APPBP2: variants seen among roughly 807,000 people sequenced by gnomAD.
APPBP2 encodes amyloid beta precursor protein binding protein 2.
In APPBP2, 15 loss-of-function variants were observed where a neutral mutation model predicts 76.0. That is an observed-to-expected ratio of 0.20 (90% confidence interval 0.13 to 0.30). The LOEUF is 0.30. APPBP2 is among the 10% of genes least tolerant of loss of function. APPBP2 has a pLI of 1.00. For missense variants in APPBP2, 401 were observed against 687.2 expected (o/e 0.58, Z 4.66); for synonymous variants, 222 against 242.2 (o/e 0.92, Z 0.77).
At chr17:60,512,108 A>AT (rs201848782) in intron 1 of APPBP2, among the ~76,000 whole-genome samples, 16 of 146,326 alleles carry the variant, frequency 1.1e-4, no homozygotes, top group African/African-American at 4.3e-4. Context: ...TATTATTATT[A>AT]TTTTCTTTTT....
At chr17:60,487,984 G>A (rs2090694481) in intron 3 of APPBP2, among the ~76,000 whole-genome samples, 1 of 152,216 alleles carries the variant, frequency 6.6e-6, no homozygotes, top group African/African-American at 2.4e-5. Flanking sequence ...GAGTTTGCAG[G>A]AGGTCCACTC....
At chr17:60,466,855 T>A (rs143825836) in intron 4 of APPBP2, among the ~76,000 whole-genome samples, 1,627 of 152,340 alleles carry the variant, frequency 0.011, 21 homozygotes, top group African/African-American at 0.036. Flanking sequence ...ATTTTTGGTA[T>A]AGTCTAACAC....
At chr17:60,462,262 A>G (rs1178505257) in intron 6 of APPBP2, 1 of 511,234 alleles carries the variant, frequency 2.0e-6, no homozygotes, top group African/African-American at 1.9e-5. Flanking sequence ...AGCTGGGAAA[A>G]TTATAAAGTT....
At chr17:60,491,811 T>C (rs762254937) in intron 3 of APPBP2, among the ~76,000 whole-genome samples, 44 of 152,084 alleles carry the variant, frequency 2.9e-4, no homozygotes, top group African/African-American at 8.2e-4. Context: ...CAGGATGCGA[T>C]AGAAAAGAAA....
intron 1 of APPBP2, among the ~76,000 whole-genome samples, chr17:60,506,425 TG>T (rs2090868699): frequency 6.6e-6 from 1 of 152,236 alleles, no homozygotes; most frequent in African/African-American, 2.4e-5. Flanking sequence ...CATGAAGCAC[TG>T]GTAACATGAT....
chr17:60,505,675 G>A (rs1277097089), intron 1 of APPBP2, among the ~76,000 whole-genome samples: 6 of 113,100 alleles, frequency 5.3e-5, no homozygotes, highest in African/African-American at 1.2e-4. Flanking sequence ...TGACCCCTGC[G>A]GTTTTTTTTT....
chr17:60,460,103 G>A (rs1405583283), intron 9 of APPBP2: 1 of 152,112 alleles, frequency 6.6e-6, no homozygotes, highest in Non-Finnish European at 1.5e-5. Context: ...AATTATTGAA[G>A]GAAATACTCA....
chr17:60,454,269 A>C (rs200785194), intron 11 of APPBP2, 33 bp downstream of exon 11: 2 of 1,453,276 alleles, frequency 1.4e-6, no homozygotes, highest in Non-Finnish European at 1.9e-6. Flanking sequence ...TCATTACTTA[A>C]GAGAGAAAAA....
intron 1 of APPBP2, among the ~76,000 whole-genome samples, chr17:60,517,917 C>T (rs2090975784): frequency 6.6e-6 from 1 of 152,138 alleles, no homozygotes; most frequent in South Asian, 2.1e-4. Context: ...ATTTCCTCTT[C>T]TGTAAACTGG....
At chr17:60,515,661 T>C (rs2090957219) in intron 1 of APPBP2, among the ~76,000 whole-genome samples, 1 of 152,230 alleles carries the variant, frequency 6.6e-6, no homozygotes, top group African/African-American at 2.4e-5. Flanking sequence ...AATGAGATCA[T>C]ATATTATACA....
chr17:60,497,866 C>T (rs11079399), intron 2 of APPBP2, among the ~76,000 whole-genome samples: 137,591 of 152,000 alleles, frequency 0.91, 62,504 homozygotes, highest in East Asian at 1. Flanking sequence ...AGACCAGGCA[C>T]GGTGGCTCAC....
intron 2 of APPBP2, among the ~76,000 whole-genome samples, chr17:60,495,807 C>T (rs1258776751): frequency 6.6e-6 from 1 of 152,036 alleles, no homozygotes; most frequent in Non-Finnish European, 1.5e-5. Context: ...AGAATTGAGA[C>T]TATATACACA....
chr17:60,524,317 G>A (rs934240500), intron 1 of APPBP2, among the ~76,000 whole-genome samples: 2 of 152,186 alleles, frequency 1.3e-5, no homozygotes, highest in Non-Finnish European at 2.9e-5. Context: ...AAAATGGACA[G>A]AGAGCACACA....
chr17:60,526,171 C>G lies in APPBP2; in HGVS notation c.-240G>C. On this transcript the variant is annotated 5_prime_UTR_variant, in exon 1 of 13. Transcript: ENST00000083182. ...CAGCGGCCAGCCAGGCCAAAAGCGTCACAATCCCGGTTCGAGAGGAACCCG... is the reference window on the plus strand; with the variant it reads ...CAGCGGCCAGCCAGGCCAAAAGCGTGACAATCCCGGTTCGAGAGGAACCCG... 1 of 523,378 alleles carries G rather than the reference C, an allele frequency of 1.9e-6. No individual in the cohort carries two copies. Among genetic ancestry groups the G allele is most frequent in the Non-Finnish European group, 3.5e-6 (1 of 288,684 alleles). 32.4% of individuals were successfully genotyped at this position (523,378 alleles called of 1,614,324 possible).
At chr17:60,520,490 T>C (rs2091000209) in intron 1 of APPBP2, among the ~76,000 whole-genome samples, 3 of 151,352 alleles carry the variant, frequency 2.0e-5, no homozygotes, top group South Asian at 4.2e-4. Flanking sequence ...GGAGAATCAC[T>C]TGAACCCAGG....
rs749513377 is a variant in APPBP2, at chr17:60,471,579, G to GT, written c.504-5121dup. Reference sequence around the variant, plus strand: ...TTTCTGTGTCAACTGAGATAACTGGGTTTTTTTTTTTTCCCTTCATCCTAT... The same window carrying GT: ...TTTCTGTGTCAACTGAGATAACTGGGTTTTTTTTTTTTTCCCTTCATCCTAT... On this transcript the variant is annotated intron_variant, in intron 4 of 12. Transcript: ENST00000083182. Among the ~76,000 whole-genome samples, 772 of 142,368 alleles carry GT rather than the reference G, an allele frequency of 5.4e-3. 6 individuals carry two copies. Among genetic ancestry groups the GT allele is most frequent in the African/African-American group, 0.017 (644 of 39,012 alleles). 93.4% of individuals were successfully genotyped at this position (142,368 alleles called of 152,430 possible).
At chr17:60,509,332 T>C (rs972224332) in intron 1 of APPBP2, among the ~76,000 whole-genome samples, 10 of 152,010 alleles carry the variant, frequency 6.6e-5, no homozygotes, top group Non-Finnish European at 5.9e-5. Context: ...TGAGCCGAGA[T>C]TGCGCCACTG....
chr17:60,501,220 G>C (rs1338716923), intron 1 of APPBP2, among the ~76,000 whole-genome samples: 1 of 152,082 alleles, frequency 6.6e-6, no homozygotes, highest in Admixed American at 6.6e-5. Flanking sequence ...GTTGAGGCAA[G>C]GGGACTGCTT....
intron 3 of APPBP2, 63 bp downstream of exon 3, chr17:60,494,400 CTTT>C (rs1390861939): frequency 3.7e-5 from 58 of 1,557,624 alleles, no homozygotes; most frequent in Non-Finnish European, 4.9e-5. Context: ...TGGAAGAATT[CTTT>C]GTTAGCAGAT....
Sources: gnomAD v4.1 joint callset for allele counts (sites outside exome capture counted in the v4.1 genomes callset) on GRCh38, gnomAD v4.1.1 for gene constraint, MANE v1.5 for transcripts, NCBI Gene and HGNC (gene_info 2026-07-23, HGNC 2026-07-21) for gene names.